Variants in OVCH1 observed in about 807,000 individuals in gnomAD.
OVCH1 encodes ovochymase 1.
A neutral mutation model predicts 138.4 loss-of-function variants in OVCH1; 139 were observed. That is an observed-to-expected ratio of 1.00 (90% confidence interval 0.87 to 1.16). OVCH1 has a LOEUF of 1.16. Among genes scored for constraint, OVCH1 ranks in the 50% most tolerant of loss-of-function variants. The pLI is 0.00. For missense variants in OVCH1, 1,367 were observed against 1,357.9 expected (o/e 1.01, Z -0.11); for synonymous variants, 453 against 467.8 (o/e 0.97, Z 0.41).
At chr12:29,448,799 T>C (rs1941688581) in intron 22 of OVCH1, among the ~76,000 whole-genome samples, 1 of 152,154 alleles carries the variant, frequency 6.6e-6, no homozygotes, top group Non-Finnish European at 1.5e-5. Flanking sequence ...GAGTTTATCC[T>C]AAGAAAACAA....
At chr12:29,491,060 G>A in intron 5 of OVCH1, 37 bp downstream of exon 5, 1 of 1,521,512 alleles carries the variant, frequency 6.6e-7, no homozygotes, top group Non-Finnish European at 9.1e-7. Flanking sequence ...CATACAGAGA[G>A]CTGGAAGAAG....
intron 16 of OVCH1, among the ~76,000 whole-genome samples, chr12:29,468,418 A>G (rs1283964743): frequency 1.3e-5 from 2 of 152,174 alleles, no homozygotes; most frequent in Non-Finnish European, 1.5e-5. Context: ...TTGATTCATC[A>G]AGTGGAATAT....
intron 27 of OVCH1, among the ~76,000 whole-genome samples, chr12:29,431,325 C>A (rs1394577246): frequency 6.6e-6 from 1 of 152,024 alleles, no homozygotes; most frequent in Non-Finnish European, 1.5e-5. Flanking sequence ...GTGATCCCAG[C>A]TACTTGGGAG....
rs141613095 is a variant in OVCH1 at position 29,496,692 on chromosome 12, T to C, written c.65-18A>G. 1 of 1,561,048 alleles carries C rather than the reference T, an allele frequency of 6.4e-7. No individual in the cohort carries two copies. Among genetic ancestry groups the C allele is most frequent in the Non-Finnish European group, 8.8e-7 (1 of 1,137,286 alleles). On this transcript the variant is annotated intron_variant, in intron 1 of 27. Transcript: ENST00000318184. ...CTTCAGTCCTGTGTAGAAGAGCATG[T>C]GTGTGTGCACACACAGAGCCTTATG...
exon 28 of OVCH1, chr12:29,427,646 A>G: frequency 6.4e-7 from 1 of 1,550,696 alleles, no homozygotes; most frequent in Non-Finnish European, 8.7e-7. Context: ...CAGCCTCCAT[A>G]CTGTGAGAAA....
chr12:29,410,279 T>C (rs1464607199), downstream of OVCH1, among the ~76,000 whole-genome samples: 1 of 149,252 alleles, frequency 6.7e-6, no homozygotes, highest in South Asian at 2.2e-4. Context: ...CCAGTCTTTG[T>C]CTTTTAATTG....
intron 26 of OVCH1, among the ~76,000 whole-genome samples, chr12:29,434,658 C>T (rs1592035225): frequency 6.6e-6 from 1 of 151,882 alleles, no homozygotes. Context: ...ATGTGAAAAT[C>T]GTAAGAGATT....
intron 27 of OVCH1, among the ~76,000 whole-genome samples, chr12:29,433,227 CAT>C (rs1220127405): frequency 6.6e-6 from 1 of 152,150 alleles, no homozygotes; most frequent in Non-Finnish European, 1.5e-5. Flanking sequence ...CCATAATCCT[CAT>C]GTGTCTGGGG....
rs942492842 is a variant in OVCH1, at chr12:29,478,982, A to C, written c.996-74T>G. The C allele has an allele frequency of 8.5e-6, 9 of 1,059,550 alleles. No homozygotes were observed. In the African/African-American group the frequency reaches 1.2e-4, roughly 14 times the overall value. The allele number at this position is 1,059,550 out of a possible 1,614,324, so 65.6% of individuals were successfully genotyped here. On this transcript the variant is annotated intron_variant, in intron 8 of 27. Coordinates refer to ENST00000318184, the Ensembl canonical transcript of OVCH1. ...CAAACATATAAGCTGGGGTAGGGGA[A>C]GGTGAAGAAAATGTAATAAATGGAA...
rs771253020 is a variant in OVCH1 at position 29,471,959 on chromosome 12, T to C, written c.1699A>G (p.Ser567Gly). The C allele has an allele frequency of 1.9e-5, 30 of 1,612,324 alleles. No individual in the cohort carries two copies. Among genetic ancestry groups the C allele is most frequent in the Non-Finnish European group, 2.5e-5 (29 of 1,179,228 alleles). Residue 567 changes from serine to glycine, a missense_variant, in exon 16 of 28, where the codon AGT becomes GGT. Transcript: ENST00000318184. ...ATTCTTCTGGAAAGCCACTGGGGAC[T>C]AAATGGAGGGATGCCACAGACATCT...
At chr12:29,471,856 C>T (rs1197735320) in exon 16 of OVCH1, 11 of 1,612,954 alleles carry the variant, frequency 6.8e-6, no homozygotes, top group Middle Eastern at 1.6e-4. Flanking sequence ...GATGGCACCT[C>T]CACATTGGTA....
intron 7 of OVCH1, chr12:29,487,121 T>A (rs1028942098): frequency 4.4e-6 from 1 of 226,070 alleles, no homozygotes; most frequent in African/African-American, 2.3e-5. Flanking sequence ...GCTCTGGGTC[T>A]TGTCATTTTA....
chr12:29,471,714 G>A, intron 16 of OVCH1, 88 bp downstream of exon 16: 1 of 1,346,272 alleles, frequency 7.4e-7, no homozygotes. Context: ...GAATTAGTCT[G>A]GATGATCTTA....
intron 25 of OVCH1, among the ~76,000 whole-genome samples, 168 bp downstream of exon 26, chr12:29,439,685 C>T (rs1941438418): frequency 6.6e-6 from 1 of 152,132 alleles, no homozygotes; most frequent in South Asian, 2.1e-4. Context: ...AGGTTAAGAG[C>T]TCGGTTTCAC....
At chr12:29,457,387 A>ATTTTT (rs57856732) in intron 19 of OVCH1, among the ~76,000 whole-genome samples, 4 of 68,816 alleles carry the variant, frequency 5.8e-5, no homozygotes, top group African/African-American at 1.2e-4. Flanking sequence ...AAACAAATGA[A>ATTTTT]TTTTTTTTTT....
exon 17 of OVCH1, chr12:29,465,198 C>A (rs1281361333): frequency 6.2e-7 from 1 of 1,603,190 alleles, no homozygotes; most frequent in African/African-American, 1.3e-5. Flanking sequence ...CAATAATAGT[C>A]CAGGAGAGTG....
chr12:29,491,004 A>C (rs1943257147), intron 5 of OVCH1, 93 bp downstream of exon 5: 1 of 976,432 alleles, frequency 1.0e-6, no homozygotes, highest in African/African-American at 1.6e-5. Flanking sequence ...AAAAAATGAT[A>C]AATGTACTAC....
rs1400744618 is a variant in OVCH1, at chr12:29,461,744, T to C, written c.2280+110A>G. 3.7e-6 allele frequency: 5 copies of C among 1,338,880 alleles called. No individual in the cohort carries two copies. In the Admixed American group the frequency reaches 7.3e-5, roughly 19 times the overall value. 82.9% of individuals were successfully genotyped at this position (1,338,880 alleles called of 1,614,324 possible). A position where few individuals can be genotyped will look rare whatever the true frequency, so the allele number is the denominator to read the frequency against. Reference sequence around the variant, plus strand: ...CTGGTCTTCATGCAGGGATATGATATTGAAGCACGTGACAAGTTGGTGATT... The same window carrying C: ...CTGGTCTTCATGCAGGGATATGATACTGAAGCACGTGACAAGTTGGTGATT... On this transcript the variant is annotated intron_variant, in intron 19 of 27. Transcript: ENST00000318184.
intron 15 of OVCH1, 125 bp from the exon 16 acceptor site, chr12:29,472,107 C>T (rs11614232): frequency 0.055 from 57,971 of 1,046,670 alleles, 1,750 homozygotes; most frequent in Non-Finnish European, 0.063. Flanking sequence ...ATAATATTGA[C>T]TCCCAAAACT....
Sources: allele counts gnomAD v4.1 joint callset (sites outside exome capture counted in the v4.1 genomes callset), GRCh38; gene constraint gnomAD v4.1.1; transcripts MANE v1.5; gene names NCBI Gene and HGNC (gene_info 2026-07-23, HGNC 2026-07-21).